JCAD: variants seen among roughly 807,000 people sequenced by gnomAD.
The protein encoded by JCAD is junctional cadherin 5 associated, also known as junctional cadherin 5-associated protein.
JCAD carries 40 observed loss-of-function variants against 98.0 expected under a neutral mutation model. The ratio of observed to expected loss-of-function variants is 0.41; its 90% CI spans 0.32 to 0.53. The LOEUF (loss-of-function observed/expected upper bound fraction) is 0.53. Ranked by LOEUF, JCAD falls within the 20% of genes least tolerant of loss-of-function variation. The pLI, the probability that JCAD is intolerant of heterozygous loss-of-function variation, is 0.31. For missense variants in JCAD, 1,705 were observed against 1,738.1 expected, an observed-to-expected ratio of 0.98 and a Z score of 0.34; for synonymous variants, 691 against 682.3, an observed-to-expected ratio of 1.01 and a Z score of -0.20.
Position 30,028,031 on chromosome 10 carries a change from G to A in JCAD, c.2117C>T (p.Pro706Leu), listed in dbSNP as rs1836875247. Residue 706 changes from proline to leucine, a missense_variant, in exon 3 of 4, where the codon CCT becomes CTT. Physicochemically the swap from Pro to Leu is moderately conservative, Grantham distance 98. Coordinates refer to ENST00000375377, the MANE Select transcript of JCAD (RefSeq NM_020848.4). ...ACTCGGCCCTCCCAGCTTTGCACCA[G>A]GGAGCAGCTGCGAACTTTGGGGCTC... ...SEEPQSSQLL[P>L]GAKLGGPSRA... The A allele has an allele frequency of 1.9e-6, 3 of 1,614,148 alleles. No homozygotes were observed. The highest frequency in any genetic ancestry group is 2.2e-5 in the South Asian group (2 of 91,086).
At chr10:30,053,761 T>TAA (rs918008703) in intron 1 of JCAD, among the ~76,000 whole-genome samples, 1 of 141,844 alleles carries the variant, frequency 7.1e-6, no homozygotes, top group Non-Finnish European at 1.6e-5. Flanking sequence ...TCTAATTTAG[T>TAA]AAAAAAAAAA....
rs931371221 is a variant in JCAD at position 30,013,551 on chromosome 10, T to G, written c.*4332A>C. ...CTGCCATATGCTTCTCAACTTGAAC[T>G]TGCCTTTGTCTCCTTGCTCCGTGAC... On this transcript the variant is annotated 3_prime_UTR_variant, in exon 4 of 4. Coordinates refer to ENST00000375377, the MANE Select transcript of JCAD (RefSeq NM_020848.4). 13 of 152,256 alleles carry G rather than the reference T, an allele frequency of 8.5e-5. No individual in the cohort carries two copies. Among genetic ancestry groups the G allele is most frequent in the African/African-American group, 3.1e-4 (13 of 41,470 alleles). The allele number at this position is 152,256 out of a possible 1,614,324, so 9.4% of individuals were successfully genotyped here.
rs369464063 is a variant in JCAD at position 30,029,313 on chromosome 10, C to A, written c.835G>T (p.Gly279Cys). The A allele has an allele frequency of 3.8e-5, 61 of 1,614,020 alleles. No homozygotes were observed. The African/African-American group carries it at 7.6e-4, about 20-fold the overall frequency. ...GGCCGGGGAAATGGGGCTGAGCAGC[C>A]ACTCTTCTCAGAATTCCTCGTGGAG... ...LDSTRNSEKS[G>C]CSAPFPRPKF... The change falls in exon 3 of 4, where the codon GGC becomes TGC. Residue 279 changes from glycine (G) to cysteine (C), a missense_variant. Physicochemically the swap from Gly to Cys is radical, Grantham distance 159. Around this residue, in one of 3 missense-constraint regions of JCAD, gnomAD observed 275 missense variants for 346.9 expected, o/e 0.79. Transcript: ENST00000375377.
Position 30,047,560 on chromosome 10 carries a change from T to G in JCAD, c.253A>C (p.Thr85Pro), listed in dbSNP as rs1302108588. The G allele has an allele frequency of 6.2e-7, 1 of 1,613,450 alleles. No homozygotes were observed. Among genetic ancestry groups the G allele is most frequent in the East Asian group, 2.2e-5 (1 of 44,838 alleles). ...GCCTCCGAGGTTCTGGAAGCAGAAGTGCTCTGGGGCTCCCCGTGGCCTCTC... is the reference window on the plus strand; with the variant it reads ...GCCTCCGAGGTTCTGGAAGCAGAAGGGCTCTGGGGCTCCCCGTGGCCTCTC... The part of the protein sequence containing the change: ...TPRGHGEPQS[T>P]SASRTSEAGF... The change falls in exon 2 of 4, where the codon ACT becomes CCT. Residue 85 changes from threonine (T) to proline (P), a missense_variant. Physicochemically the swap from Thr to Pro is conservative, Grantham distance 38. Transcript: ENST00000375377.
chr10:30,096,171 CCT>C (rs1306662076), intron 1 of JCAD, among the ~76,000 whole-genome samples: 1 of 152,176 alleles, frequency 6.6e-6, no homozygotes, highest in Admixed American at 6.5e-5. Context: ...TGTAACCCTG[CCT>C]CTCTGTCTTC....
chr10:30,036,717 C>T (rs1837119475), intron 2 of JCAD, among the ~76,000 whole-genome samples: 1 of 152,238 alleles, frequency 6.6e-6, no homozygotes, highest in Non-Finnish European at 1.5e-5. Flanking sequence ...CTTCCCTCCT[C>T]CATGAACAAA....
At chr10:30,082,101 G>A (rs750006259) in intron 1 of JCAD, among the ~76,000 whole-genome samples, 4 of 152,094 alleles carry the variant, frequency 2.6e-5, no homozygotes, top group African/African-American at 4.8e-5. Context: ...TCTTTGAAAT[G>A]AATTATTATG....
chr10:30,099,980 C>T (rs1342200310), intron 1 of JCAD, among the ~76,000 whole-genome samples: 1 of 152,144 alleles, frequency 6.6e-6, no homozygotes, highest in Non-Finnish European at 1.5e-5. Flanking sequence ...ACCACTCACC[C>T]AGTCACTCTC....
At chr10:30,065,177 A>G (rs1413042918) in intron 2 of JCAD, among the ~76,000 whole-genome samples, 1 of 152,202 alleles carries the variant, frequency 6.6e-6, no homozygotes, top group Non-Finnish European at 1.5e-5. Context: ...AAGACCCGGC[A>G]TTTGATATAT....
intron 3 of JCAD, among the ~76,000 whole-genome samples, chr10:30,024,466 A>C (rs1836737764): frequency 6.6e-6 from 1 of 152,156 alleles, no homozygotes; most frequent in Non-Finnish European, 1.5e-5. Context: ...AAGCTCAAAA[A>C]ATGGGCAGGT....
rs374225558 is a variant in JCAD at position 30,028,148 on chromosome 10, A to G, written c.2000T>C (p.Ile667Thr). ...GAGTTCTCTGTGCTTTGTAAGGTGG[A>G]TGAAACTGAGGTCATTTGTTTGTCT... is the stretch of plus-strand genomic sequence containing the variant. ...EDRQTNDLSF[I>T]HLTKHRELKH... Residue 667 changes from isoleucine to threonine, a missense_variant, in exon 3 of 4, where the codon ATC becomes ACC. Ile to Thr is a moderately conservative substitution (Grantham distance 89). Transcript: ENST00000375377. 1.3e-5 allele frequency: 21 copies of G among 1,614,062 alleles called. No homozygotes were observed. The highest frequency in any genetic ancestry group is 1.8e-5 in the Non-Finnish European group (21 of 1,180,030).
intron 1 of JCAD, 35 bp from the exon 2 acceptor site, chr10:30,047,906 G>A (rs1459538777): frequency 1.9e-5 from 27 of 1,390,594 alleles, no homozygotes; most frequent in Non-Finnish European, 2.4e-5. Flanking sequence ...TTGTGACTAG[G>A]TCTCCCTAGA....
At chr10:30,078,644 C>T (rs1838021807) in intron 1 of JCAD, among the ~76,000 whole-genome samples, 4 of 152,296 alleles carry the variant, frequency 2.6e-5, no homozygotes, top group Admixed American at 2.6e-4. Flanking sequence ...GCATCTTGAA[C>T]GAGTCGCTCC....
Position 30,108,784 on chromosome 10 carries a change from C to T in JCAD, n.128+6583G>A, listed in dbSNP as rs1838634098. Among the ~76,000 whole-genome samples, 3 of 151,712 alleles carry T rather than the reference C, an allele frequency of 2.0e-5. No individual in the cohort carries two copies. In the South Asian group the frequency reaches 6.2e-4, roughly 32 times the overall value. ...ATGCCTTCTTCGTAAACTTACATTT[C>T]AGCCTACACACCCATGGAAGAGAAA... On this transcript the variant is annotated intron_variant and non_coding_transcript_variant, in intron 1 of 2. Coordinates refer to the JCAD transcript ENST00000465712.
Position 30,047,267 on chromosome 10 carries a change from A to G in JCAD, c.281+265T>C, listed in dbSNP as rs537606618. Among the ~76,000 whole-genome samples, 31 of 152,188 alleles carry G rather than the reference A, an allele frequency of 2.0e-4. No individual in the cohort carries two copies. In the South Asian group the frequency reaches 2.5e-3, roughly 12 times the overall value. The stretch of plus-strand genomic sequence containing the variant: ...CATGCCTGTAATCCCAGCTACTCAG[A>G]AGGCTGAGGCAGGAGAATTGCTTGA... On this transcript the variant is annotated intron_variant, in intron 2 of 3. Transcript: ENST00000375377.
At chr10:30,049,846 T>C (rs1221942833) in intron 1 of JCAD, among the ~76,000 whole-genome samples, 1 of 152,150 alleles carries the variant, frequency 6.6e-6, no homozygotes, top group Non-Finnish European at 1.5e-5. Context: ...CCCCAGCAAC[T>C]TGCACACAGT....
At position 30,026,320 on chromosome 10, in the gene JCAD, G is replaced by A; in HGVS notation, c.3828C>T (p.Phe1276=). Residue 1276 remains phenylalanine (F), a synonymous_variant, in exon 3 of 4, where the codon TTC becomes TTT. Transcript: ENST00000375377. ...SSVSRMRVLS[F]RNADSQEDAE... is the part of the protein sequence containing the mutation. Reference sequence around the variant, plus strand: ...CGTCCTCCTGGGAGTCGGCATTCCTGAAGCTCAGGACTCTCATCCGTGACA... The same window carrying A: ...CGTCCTCCTGGGAGTCGGCATTCCTAAAGCTCAGGACTCTCATCCGTGACA... The A allele has an allele frequency of 3.1e-6, 5 of 1,614,096 alleles. No homozygotes were observed. The highest frequency in any genetic ancestry group is 4.2e-6 in the Non-Finnish European group (5 of 1,180,030).
chr10:30,091,039 C>A (rs1307047339), intron 1 of JCAD, among the ~76,000 whole-genome samples: 1 of 152,094 alleles, frequency 6.6e-6, no homozygotes, highest in East Asian at 1.9e-4. Context: ...TCTTCATGGC[C>A]AAATAAAATC....
chr10:30,048,066 G>A (rs1024530208), intron 1 of JCAD, among the ~76,000 whole-genome samples, 195 bp from the exon 2 acceptor site: 2 of 152,172 alleles, frequency 1.3e-5, no homozygotes, highest in Non-Finnish European at 2.9e-5. Context: ...AAGTGGGTGT[G>A]GCTCTGACTC....
Sources: allele counts gnomAD v4.1 joint callset (sites outside exome capture counted in the v4.1 genomes callset), GRCh38; gene constraint gnomAD v4.1.1; regional missense constraint gnomAD v4.1.1; transcripts MANE v1.5; gene names NCBI Gene and HGNC (gene_info 2026-07-23, HGNC 2026-07-21).